The following ADORA2A variants were observed in gnomAD, a reference collection of about 807,000 sequenced individuals.
The protein encoded by ADORA2A is adenosine A2a receptor, also known as adenosine receptor A2a.
Under a neutral mutation model 18.4 loss-of-function variants are expected in ADORA2A, and 11 were observed. The observed-to-expected ratio is 0.60, with a 90% CI of 0.38 to 0.99. The LOEUF (loss-of-function observed/expected upper bound fraction) is 0.99, where lower values mean the gene tolerates loss of function less well. Among genes scored for constraint, ADORA2A ranks in the 50% least tolerant of loss-of-function variants. ADORA2A has a pLI of 0.01. For missense variants in ADORA2A, 449 were observed against 556.1 expected, an observed-to-expected ratio of 0.81 and a Z score of 1.94; for synonymous variants, 218 against 237.3, an observed-to-expected ratio of 0.92 and a Z score of 0.75.
chr22:24,423,855 C>G (rs1416297355), upstream of ADORA2A: 6 of 152,030 alleles, frequency 3.9e-5, no homozygotes, highest in Admixed American at 3.9e-4. Context: ...GCGGGGGCAG[C>G]GCGGGTCTCA....
chr22:24,425,750 G>C (rs1284030200), upstream of ADORA2A, among the ~76,000 whole-genome samples: 1 of 152,250 alleles, frequency 6.6e-6, no homozygotes, highest in Admixed American at 6.5e-5. Flanking sequence ...CTGCCTCATG[G>C]GCAACGCGAT....
At chr22:24,432,102 G>C (rs1370919521) in intron 1 of ADORA2A, 1 of 154,162 alleles carries the variant, frequency 6.5e-6, no homozygotes, top group Non-Finnish European at 1.4e-5. Flanking sequence ...CAGCCAGGCA[G>C]AGGAGCAGGT....
In ADORA2A at chr22:24,433,579, G is replaced by C; in HGVS notation, c.175G>C (p.Ala59Pro). ...AAADIAVGVLAIPFAITISTG... is the reference protein window; with the variant it reads ...AAADIAVGVLPIPFAITISTG... ...GGCCGACATCGCAGTGGGTGTGCTC[G>C]CCATCCCCTTTGCCATCACCATCAG... The change falls in exon 2 of 3, where the codon GCC (alanine) becomes CCC (proline). Residue 59 changes from alanine to proline, a missense_variant. Physicochemically the swap from Ala to Pro is conservative, Grantham distance 27. Transcript: ENST00000337539. 2 of 1,614,036 alleles carry C rather than the reference G, an allele frequency of 1.2e-6. No individual in the cohort carries two copies. Among genetic ancestry groups the C allele is most frequent in the Non-Finnish European group, 1.7e-6 (2 of 1,180,030 alleles).
chr22:24,438,090 T>G (rs987600376), intron 2 of ADORA2A, among the ~76,000 whole-genome samples: 2 of 152,282 alleles, frequency 1.3e-5, no homozygotes, highest in East Asian at 3.8e-4. Flanking sequence ...AACTCACTAT[T>G]GCCTGAGGCA....
intron 2 of ADORA2A, among the ~76,000 whole-genome samples, chr22:24,434,529 T>C (rs2146895503): frequency 6.6e-6 from 1 of 152,324 alleles, no homozygotes; most frequent in South Asian, 2.1e-4. Context: ...AGTGCATCCC[T>C]CCCTTGGGGA....
In ADORA2A at chr22:24,433,575, G is replaced by C; in HGVS notation, c.171G>C (p.Val57=). 6.2e-7 allele frequency: 1 copy of C among 1,614,102 alleles called. No homozygotes were observed. Among genetic ancestry groups the C allele is most frequent in the Admixed American group, 1.7e-5 (1 of 60,036 alleles). ...CGGCGGCCGACATCGCAGTGGGTGT[G>C]CTCGCCATCCCCTTTGCCATCACCA... The part of the protein sequence containing the change: ...SLAAADIAVG[V]LAIPFAITIS... Residue 57 remains valine (V), a synonymous_variant, in exon 2 of 3, where the codon GTG becomes GTC. Coordinates refer to ENST00000337539, the MANE Select transcript of ADORA2A (RefSeq NM_000675.6).
Position 24,440,994 on chromosome 22 carries a change from C to T in ADORA2A, c.744C>T (p.Pro248=). Residue 248 remains proline (P), a synonymous_variant, in exon 3 of 3, where the codon CCC becomes CCT. Coordinates refer to ENST00000337539, the MANE Select transcript of ADORA2A (RefSeq NM_000675.6). ...IVGLFALCWL[P]LHIINCFTFF... Reference sequence around the variant, plus strand: ...GGCTCTTTGCCCTCTGCTGGCTGCCCCTACACATCATCAACTGCTTCACTT... The same window carrying T: ...GGCTCTTTGCCCTCTGCTGGCTGCCTCTACACATCATCAACTGCTTCACTT... 1.2e-6 allele frequency: 2 copies of T among 1,614,174 alleles called. No individual in the cohort carries two copies. The highest frequency in any genetic ancestry group is 1.3e-5 in the African/African-American group (1 of 75,056).
chr22:24,437,075 C>A (rs917473730), intron 2 of ADORA2A, among the ~76,000 whole-genome samples: 1 of 152,156 alleles, frequency 6.6e-6, no homozygotes, highest in African/African-American at 2.4e-5. Context: ...GAAGGCTCCA[C>A]CTACTCCTCA....
In ADORA2A at chr22:24,441,545, G is replaced by C; in HGVS notation, c.*56G>C. On this transcript the variant is annotated 3_prime_UTR_variant, in exon 3 of 3. Coordinates refer to ENST00000337539, the MANE Select transcript of ADORA2A (RefSeq NM_000675.6). ...AAGGAGATCTTTATCTTTCTGGTTG[G>C]CTTGACCAGTCACGTTGGGAGAAGA... 6.9e-7 allele frequency: 1 copy of C among 1,446,006 alleles called. No individual in the cohort carries two copies. The highest frequency in any genetic ancestry group is 1.8e-4 in the Middle Eastern group (1 of 5,418). 89.6% of individuals were successfully genotyped at this position (1,446,006 alleles called of 1,614,324 possible).
At chr22:24,437,476 C>T (rs2043209036) in intron 2 of ADORA2A, among the ~76,000 whole-genome samples, 1 of 152,068 alleles carries the variant, frequency 6.6e-6, no homozygotes, top group African/African-American at 2.4e-5. Context: ...CCGTGGGCAC[C>T]AGGGTCCAGG....
chr22:24,426,366 G>A (rs935965972), upstream of ADORA2A, among the ~76,000 whole-genome samples: 1 of 152,214 alleles, frequency 6.6e-6, no homozygotes, highest in Admixed American at 6.5e-5. Flanking sequence ...GGATGAAGGC[G>A]GGAAGCACAG....
chr22:24,431,269 C>T (rs1182703072), intron 1 of ADORA2A: 2 of 456,764 alleles, frequency 4.4e-6, no homozygotes, highest in African/African-American at 4.0e-5. Flanking sequence ...CTGCTCTCTC[C>T]TTCCTCCTCC....
upstream of ADORA2A, among the ~76,000 whole-genome samples, chr22:24,427,304 G>A (rs890987379): frequency 4.6e-5 from 7 of 152,110 alleles, no homozygotes; most frequent in Non-Finnish European, 8.8e-5. Flanking sequence ...CTGCCTCGTC[G>A]CACCTGCCCA....
chr22:24,433,728 C>T lies in ADORA2A; in HGVS notation c.324C>T (p.Ile108=). The T allele has an allele frequency of 6.2e-7, 1 of 1,605,660 alleles. No individual in the cohort carries two copies. The highest frequency in any genetic ancestry group is 8.5e-7 in the Non-Finnish European group (1 of 1,179,724). ...IAIDRYIAIR[I]PLRYNGLVTG... Reference sequence around the variant, plus strand: ...TTGACCGCTACATTGCCATCCGCATCCCGCTCCGGTGAGCAGGGCCGGGGT... The same window carrying T: ...TTGACCGCTACATTGCCATCCGCATTCCGCTCCGGTGAGCAGGGCCGGGGT... Residue 108 remains isoleucine (I), a synonymous_variant, in exon 2 of 3, where the codon ATC becomes ATT. Coordinates refer to ENST00000337539, the MANE Select transcript of ADORA2A (RefSeq NM_000675.6).
At position 24,433,618 on chromosome 22, in the gene ADORA2A, G is replaced by A. The variant is rs139287520; in HGVS notation, c.214G>A (p.Ala72Thr). 5 of 1,613,910 alleles carry A rather than the reference G, an allele frequency of 3.1e-6. No individual in the cohort carries two copies. Among genetic ancestry groups the A allele is most frequent in the East Asian group, 2.2e-5 (1 of 44,882 alleles). ...FAITISTGFC[A>T]ACHGCLFIAC... ...CATCACCATCAGCACCGGGTTCTGCGCTGCCTGCCACGGCTGCCTCTTCAT... is the reference window on the plus strand; with the variant it reads ...CATCACCATCAGCACCGGGTTCTGCACTGCCTGCCACGGCTGCCTCTTCAT... The change falls in exon 2 of 3, where the codon GCT becomes ACT. Residue 72 changes from alanine (A) to threonine (T), a missense_variant. By Grantham distance (58) the Ala-to-Thr change is moderately conservative (BLOSUM62 0). Coordinates refer to ENST00000337539, the MANE Select transcript of ADORA2A (RefSeq NM_000675.6).
chr22:24,424,446 AG>A (rs1001499965), upstream of ADORA2A: 1 of 152,082 alleles, frequency 6.6e-6, no homozygotes, highest in African/African-American at 2.4e-5. This position sits in a 1 kb window ranked among gnomAD's most constrained non-coding sequence, Gnocchi z 4.9. Flanking sequence ...CTCCTCCAGC[AG>A]GGATGGACCG....
At position 24,440,697 on chromosome 22, in the gene ADORA2A, A is replaced by G. The variant is rs199949453; in HGVS notation, c.447A>G (p.Pro149=). 6.2e-7 allele frequency: 1 copy of G among 1,614,022 alleles called. No individual in the cohort carries two copies. The highest frequency in any genetic ancestry group is 1.7e-5 in the Admixed American group (1 of 60,020). The change falls in exon 3 of 3, where the codon CCA becomes CCG. Residue 149 remains proline (P), a synonymous_variant. Transcript: ENST00000337539. ...PMLGWNNCGQ[P]KEGKNHSQGC... is the part of the protein sequence containing the mutation. Reference sequence around the variant, plus strand: ...TAGGTTGGAACAACTGCGGTCAGCCAAAGGAGGGCAAGAACCACTCCCAGG... The same window carrying G: ...TAGGTTGGAACAACTGCGGTCAGCCGAAGGAGGGCAAGAACCACTCCCAGG...
At chr22:24,432,035 C>A (rs1184013658) in intron 1 of ADORA2A, 1 of 158,874 alleles carries the variant, frequency 6.3e-6, no homozygotes, top group African/African-American at 2.4e-5. Flanking sequence ...TCAGTGAGTC[C>A]TGGTTCCGTA....
Position 24,433,170 on chromosome 22 carries a change from T to C in ADORA2A, c.-235T>C, listed in dbSNP as rs2043084123. 1.7e-6 allele frequency: 1 copy of C among 586,708 alleles called. No individual in the cohort carries two copies. Among genetic ancestry groups the C allele is most frequent in the African/African-American group, 1.9e-5 (1 of 53,606 alleles). The allele number at this position is 586,708 out of a possible 1,614,324, so 36.3% of individuals were successfully genotyped here. On this transcript the variant is annotated 5_prime_UTR_variant, in exon 2 of 3. Transcript: ENST00000337539. ...CTGAAGCTGGGCTGAGCCATGATGC[T>C]GCTGCCAGAACCCCTGCAGAGGGCC...
Sources: gnomAD v4.1 joint callset for allele counts (sites outside exome capture counted in the v4.1 genomes callset) on GRCh38, gnomAD v4.1.1 for gene constraint, Gnocchi (gnomAD v3.1) non-coding constraint, MANE v1.5 for transcripts, NCBI Gene and HGNC (gene_info 2026-07-23, HGNC 2026-07-21) for gene names.